Variants in SHOC1 observed in about 807,000 individuals in gnomAD.
The protein encoded by SHOC1 is protein shortage in chiasmata 1 ortholog.
A neutral mutation model predicts 179.2 loss-of-function variants in SHOC1; 136 were observed. The observed-to-expected ratio is 0.76, with a 90% CI of 0.66 to 0.87. The LOEUF is 0.87. Ranked by LOEUF, SHOC1 falls within the 40% of genes least tolerant of loss-of-function variation. The pLI is 0.00. For missense variants in SHOC1, 1,538 were observed against 1,700.8 expected (o/e 0.90, Z 1.68); for synonymous variants, 489 against 586.6 (o/e 0.83, Z 2.41).
At chr9:111,712,676 G>C (rs1832608085) in intron 18 of SHOC1, among the ~76,000 whole-genome samples, 1 of 152,110 alleles carries the variant, frequency 6.6e-6, no homozygotes. Flanking sequence ...ATTGAGAATT[G>C]AAGAATGATA....
intron 5 of SHOC1, among the ~76,000 whole-genome samples, chr9:111,759,777 G>A (rs909661058): frequency 6.6e-6 from 1 of 152,190 alleles, no homozygotes; most frequent in Admixed American, 6.5e-5. Context: ...GAGTTTTCAG[G>A]TAGTAATGTC....
chr9:111,739,638 CT>C (rs1303604974), intron 11 of SHOC1, among the ~76,000 whole-genome samples: 1 of 152,036 alleles, frequency 6.6e-6, no homozygotes, highest in Non-Finnish European at 1.5e-5. Context: ...CAGTCCATTC[CT>C]TTTTTTCAGG....
intron 12 of SHOC1, among the ~76,000 whole-genome samples, chr9:111,735,778 G>A (rs1324097731): frequency 6.6e-6 from 1 of 152,190 alleles, no homozygotes; most frequent in Admixed American, 6.5e-5. Flanking sequence ...TTCCACAACA[G>A]TTGAACTAGT....
At chr9:111,759,508 T>G in intron 5 of SHOC1, 1 of 1,215,878 alleles carries the variant, frequency 8.2e-7, no homozygotes, top group Non-Finnish European at 1.0e-6. Context: ...TTGTCTGGGT[T>G]TCTTTAGAAT....
chr9:111,743,917 G>C (rs1834150516), intron 10 of SHOC1, among the ~76,000 whole-genome samples: 2 of 152,160 alleles, frequency 1.3e-5, no homozygotes, highest in Admixed American at 6.6e-5. Context: ...AAATGTAGTA[G>C]TGAGGGGAAA....
At chr9:111,736,516 A>G (rs947833185) in intron 12 of SHOC1, among the ~76,000 whole-genome samples, 2 of 152,248 alleles carry the variant, frequency 1.3e-5, no homozygotes, top group Non-Finnish European at 2.9e-5. Flanking sequence ...AGCCATATAC[A>G]GAAGACTAAA....
intron 7 of SHOC1, among the ~76,000 whole-genome samples, chr9:111,757,034 G>GA (rs1834893082): frequency 6.9e-6 from 1 of 145,484 alleles, no homozygotes; most frequent in Non-Finnish European, 1.6e-5. Context: ...TTTATTGTAA[G>GA]GAAACCCCTT....
chr9:111,688,965 G>T (rs974227395), intron 27 of SHOC1, among the ~76,000 whole-genome samples: 16 of 152,118 alleles, frequency 1.1e-4, no homozygotes, highest in Non-Finnish European at 2.1e-4. Context: ...CCTAGATTTG[G>T]ATACTTACAG....
intron 5 of SHOC1, chr9:111,759,437 A>G (rs1046813590): frequency 1.2e-5 from 16 of 1,335,262 alleles, no homozygotes; most frequent in African/African-American, 1.5e-5. Context: ...ATGTATTAAG[A>G]AACACTACTG....
intron 5 of SHOC1, among the ~76,000 whole-genome samples, chr9:111,763,709 A>C (rs1320872188): frequency 6.6e-6 from 1 of 152,208 alleles, no homozygotes; most frequent in African/African-American, 2.4e-5. Context: ...CTAAACTGGC[A>C]GCTACAAGGT....
rs1482219406 is a variant in SHOC1, at chr9:111,793,548, A to C, written c.-37+1352T>G. Among the ~76,000 whole-genome samples the C allele has an allele frequency of 2.0e-5, 3 of 151,746 alleles. No individual in the cohort carries two copies. The East Asian group carries it at 5.8e-4, about 29-fold the overall frequency. ...AATACAGATATCGAATCCATCTAAT[A>C]GTGGTGGGTGGAAGCAAAAACGATA... On this transcript the variant is annotated intron_variant, in intron 1 of 27. Coordinates refer to ENST00000682961, the MANE Select transcript of SHOC1 (RefSeq NM_001378211.1).
intron 2 of SHOC1, among the ~76,000 whole-genome samples, chr9:111,788,211 AAC>A (rs1205279904): frequency 1.4e-5 from 2 of 144,244 alleles, no homozygotes; most frequent in East Asian, 4.1e-4. Context: ...CCATCTCAAA[AAC>A]ACAAAAACAA....
chr9:111,781,778 C>T (rs1031578106), intron 3 of SHOC1, among the ~76,000 whole-genome samples: 2 of 117,746 alleles, frequency 1.7e-5, no homozygotes, highest in Non-Finnish European at 1.9e-5. Context: ...AGCTTATCTC[C>T]CAAATTAGAC....
chr9:111,754,196 G>C (rs1374497981), intron 8 of SHOC1, among the ~76,000 whole-genome samples: 3 of 151,970 alleles, frequency 2.0e-5, no homozygotes, highest in Non-Finnish European at 4.4e-5. Flanking sequence ...AAAAATTCAA[G>C]TAATCCCAAA....
intron 5 of SHOC1, chr9:111,759,326 G>T (rs769833294): frequency 5.2e-6 from 8 of 1,552,534 alleles, no homozygotes; most frequent in Non-Finnish European, 7.0e-6. Flanking sequence ...CTACAAATGA[G>T]ACTGATTCTA....
At chr9:111,699,488 A>G (rs562748159) in intron 24 of SHOC1, among the ~76,000 whole-genome samples, 6 of 152,292 alleles carry the variant, frequency 3.9e-5, no homozygotes, top group African/African-American at 1.4e-4. Context: ...AAAAGAATGT[A>G]ATGTGATAAT....
At chr9:111,789,225 A>G (rs888922823) in intron 2 of SHOC1, among the ~76,000 whole-genome samples, 18 of 152,216 alleles carry the variant, frequency 1.2e-4, no homozygotes, top group Non-Finnish European at 2.4e-4. Context: ...GTAAAGAGAA[A>G]AAGATTACTT....
At position 111,691,791 on chromosome 9, in the gene SHOC1, C is replaced by G; in HGVS notation, c.4186G>C (p.Asp1396His). Residue 1396 changes from aspartate to histidine, a missense_variant, in exon 27 of 28, where the codon GAT (aspartate) becomes CAT (histidine). By Grantham distance (81) the Asp-to-His change is moderately conservative. Transcript: ENST00000682961. Reference protein sequence around the residue: ...LYSQKGNLFTDQQKCLSDESE... With the variant: ...LYSQKGNLFTHQQKCLSDESE... The stretch of plus-strand genomic sequence containing the variant: ...TCATCTGATAGACATTTTTGCTGAT[C>G]AGTGAATAAATTACCTTTCTGAGAG... The G allele has an allele frequency of 1.2e-6, 2 of 1,613,894 alleles. No individual in the cohort carries two copies. The highest frequency in any genetic ancestry group is 1.7e-6 in the Non-Finnish European group (2 of 1,179,970).
At chr9:111,733,857 CA>C (rs35324199) in intron 12 of SHOC1, among the ~76,000 whole-genome samples, 28,973 of 131,986 alleles carry the variant, frequency 0.22, 2,840 homozygotes, top group Non-Finnish European at 0.25. Context: ...GACTCTGTCT[CA>C]AAAAAAAAAA....
Sources: gnomAD v4.1 joint callset for allele counts (sites outside exome capture counted in the v4.1 genomes callset) on GRCh38, gnomAD v4.1.1 for gene constraint, MANE v1.5 for transcripts, NCBI Gene and HGNC (gene_info 2026-07-23, HGNC 2026-07-21) for gene names.